APOLD1: variants seen among roughly 807,000 people sequenced by gnomAD.
The protein encoded by APOLD1 is apolipoprotein L domain-containing protein 1.
A neutral mutation model predicts 15.3 loss-of-function variants in APOLD1; 22 were observed. The observed-to-expected ratio is 1.44, with a 90% CI of 1.03 to 2.05. The LOEUF is 2.05. Among genes scored for constraint, APOLD1 ranks in the 30% most tolerant of loss-of-function variants. APOLD1 has a pLI of 0.00. For missense variants in APOLD1, 394 were observed against 353.5 expected, an observed-to-expected ratio of 1.11 and a Z score of -0.92; for synonymous variants, 190 against 167.4, an observed-to-expected ratio of 1.13 and a Z score of -1.04.
intron 1 of APOLD1, among the ~76,000 whole-genome samples, chr12:12,736,328 G>T (rs1946685049): frequency 6.6e-6 from 1 of 151,160 alleles, no homozygotes; most frequent in Non-Finnish European, 1.5e-5. Flanking sequence ...TCCAGCCTGG[G>T]CAATAAGAGT....
chr12:12,745,505 A>G (rs1293202708), intron 1 of APOLD1, among the ~76,000 whole-genome samples: 1 of 152,092 alleles, frequency 6.6e-6, no homozygotes, highest in Non-Finnish European at 1.5e-5. Context: ...GCTCCAGCCT[A>G]TGCAATAGAG....
intron 1 of APOLD1, among the ~76,000 whole-genome samples, chr12:12,780,380 A>G (rs1350947770): frequency 1.3e-5 from 2 of 151,456 alleles, no homozygotes; most frequent in Admixed American, 6.6e-5. Flanking sequence ...AGTACCAAGT[A>G]GCTGGGACTA....
chr12:12,754,465 T>G (rs531179939), intron 1 of APOLD1, among the ~76,000 whole-genome samples: 2 of 151,794 alleles, frequency 1.3e-5, no homozygotes, highest in South Asian at 4.1e-4. Context: ...ATTTATTTAT[T>G]TAGAGACGGA....
chr12:12,750,291 G>C (rs1244829972), intron 1 of APOLD1, among the ~76,000 whole-genome samples: 1 of 143,168 alleles, frequency 7.0e-6, no homozygotes, highest in East Asian at 2.2e-4. Context: ...AGAATCGCTT[G>C]AACCCGGGAG....
chr12:12,750,073 T>G (rs1371309622), intron 1 of APOLD1, among the ~76,000 whole-genome samples: 1 of 152,096 alleles, frequency 6.6e-6, no homozygotes, highest in Non-Finnish European at 1.5e-5. Context: ...CAAAGCATAA[T>G]AAGAAATTGG....
At chr12:12,744,248 G>A (rs1405228281) in intron 1 of APOLD1, among the ~76,000 whole-genome samples, 2 of 151,148 alleles carry the variant, frequency 1.3e-5, no homozygotes, top group African/African-American at 4.9e-5. Context: ...GATCAAGGCT[G>A]CAGTGAGCTA....
intron 1 of APOLD1, chr12:12,764,637 G>T (rs779020896): frequency 4.3e-6 from 2 of 462,694 alleles, no homozygotes; most frequent in East Asian, 1.3e-4. Flanking sequence ...GGGCTTTATT[G>T]GTTGATTTCT....
At chr12:12,749,556 G>C (rs1946791630) in intron 1 of APOLD1, among the ~76,000 whole-genome samples, 1 of 152,004 alleles carries the variant, frequency 6.6e-6, no homozygotes, top group African/African-American at 2.4e-5. Flanking sequence ...CTTAACCTCT[G>C]ATTGGTTGCT....
intron 1 of APOLD1, among the ~76,000 whole-genome samples, chr12:12,742,762 T>TA (rs56809842): frequency 7.1e-5 from 10 of 140,714 alleles, no homozygotes; most frequent in East Asian, 2.2e-4. Context: ...AGACTCCATC[T>TA]AAAAAAAAAA....
intron 1 of APOLD1, among the ~76,000 whole-genome samples, chr12:12,745,049 T>C (rs943947989): frequency 6.6e-6 from 1 of 152,060 alleles, no homozygotes; most frequent in African/African-American, 2.4e-5. Context: ...GAGGGAAAAA[T>C]GTATTAAAAT....
chr12:12,758,783 TTC>T (rs1373082531), intron 1 of APOLD1, among the ~76,000 whole-genome samples: 1 of 152,240 alleles, frequency 6.6e-6, no homozygotes, highest in Non-Finnish European at 1.5e-5. Flanking sequence ...GATAGAGTCA[TTC>T]TTAACCACAG....
At position 12,789,238 on chromosome 12, in the gene APOLD1, T is replaced by C. The variant is rs1206860281; in HGVS notation, c.*1586T>C. ...CTCTTTGCAAGAGATGAGATTAAGT[T>C]TGAGTTTCTAAGGCAGGGCATGAGC... On this transcript the variant is annotated 3_prime_UTR_variant, in exon 2 of 2. Coordinates refer to ENST00000356591, the MANE Select transcript of APOLD1 (RefSeq NM_030817.3). The C allele has an allele frequency of 6.6e-6, 1 of 152,220 alleles. No homozygotes were observed. The highest frequency in any genetic ancestry group is 2.4e-5 in the African/African-American group (1 of 41,444). The allele number at this position is 152,220 out of a possible 1,614,324, so 9.4% of individuals were successfully genotyped here.
intron 1 of APOLD1, among the ~76,000 whole-genome samples, chr12:12,759,009 C>G (rs1173722930): frequency 3.9e-5 from 6 of 152,086 alleles, no homozygotes; most frequent in Non-Finnish European, 7.4e-5. Context: ...AAGAAGGTTA[C>G]TAAGTGACTA....
chr12:12,787,833 G>A lies in APOLD1; in HGVS notation c.*181G>A. ...TTCTTTTCCCATCACTGTGACATCT[G>A]CCTGGGCTTGAGTGCTACGGACTTT... On this transcript the variant is annotated 3_prime_UTR_variant, in exon 2 of 2. Transcript: ENST00000356591. This position sits in a 1 kb window ranked among gnomAD's most constrained non-coding sequence, Gnocchi z 4.9. 2.4e-6 allele frequency: 2 copies of A among 845,214 alleles called. No homozygotes were observed. The highest frequency in any genetic ancestry group is 3.8e-5 in the South Asian group (2 of 52,298). 52.4% of individuals were successfully genotyped at this position (845,214 alleles called of 1,614,324 possible).
At chr12:12,750,206 C>G (rs11055039) in intron 1 of APOLD1, among the ~76,000 whole-genome samples, 1 of 152,000 alleles carries the variant, frequency 6.6e-6, no homozygotes, top group Non-Finnish European at 1.5e-5. Flanking sequence ...AACCCTGTCT[C>G]TACTAAAAAT....
intron 1 of APOLD1, among the ~76,000 whole-genome samples, chr12:12,742,001 C>A (rs964048301): frequency 6.6e-6 from 1 of 152,026 alleles, no homozygotes; most frequent in South Asian, 2.1e-4. Context: ...ACTTTCTGCC[C>A]GATTAAAAGA....
At chr12:12,769,550 G>T (rs923402514) in intron 1 of APOLD1, among the ~76,000 whole-genome samples, 5 of 132,624 alleles carry the variant, frequency 3.8e-5, no homozygotes, top group Non-Finnish European at 7.8e-5. Flanking sequence ...GGCTCTACTA[G>T]GTTCTCACAG....
intron 1 of APOLD1, among the ~76,000 whole-genome samples, chr12:12,777,923 T>TTTGTTGTTGTTG (rs1283327763): frequency 1.6e-5 from 2 of 121,572 alleles, no homozygotes; most frequent in Non-Finnish European, 3.4e-5. Context: ...TTTTTTTTTT[T>TTTGTTGTTGTTG]TTGTTGTTGT....
At chr12:12,757,516 G>T (rs1347994277) in intron 1 of APOLD1, among the ~76,000 whole-genome samples, 3 of 152,108 alleles carry the variant, frequency 2.0e-5, no homozygotes, top group Non-Finnish European at 4.4e-5. Flanking sequence ...ATAAAACTAT[G>T]AGATAAATTA....
Sources: allele counts gnomAD v4.1 joint callset (sites outside exome capture counted in the v4.1 genomes callset), GRCh38; gene constraint gnomAD v4.1.1; non-coding constraint Gnocchi (gnomAD v3.1); transcripts MANE v1.5; gene names NCBI Gene and HGNC (gene_info 2026-07-23, HGNC 2026-07-21).